PDXDC1: variants seen among roughly 807,000 people sequenced by gnomAD.
PDXDC1 encodes pyridoxal-dependent decarboxylase domain-containing protein 1.
A neutral mutation model predicts 100.1 loss-of-function variants in PDXDC1; 42 were observed. The observed-to-expected ratio is 0.42, with a 90% CI of 0.33 to 0.54. The LOEUF (loss-of-function observed/expected upper bound fraction) is 0.54, where lower values mean the gene tolerates loss of function less well. Among genes scored for constraint, PDXDC1 ranks in the 20% least tolerant of loss-of-function variants. The pLI is 0.10. For synonymous variants in PDXDC1, 260 were observed against 371.7 expected (o/e 0.70, Z 3.46); for missense variants, 636 against 979.2 (o/e 0.65, Z 4.68).
intron 16 of PDXDC1, among the ~76,000 whole-genome samples, chr16:15,069,624 C>T (rs939587093): frequency 2.0e-5 from 3 of 152,186 alleles, no homozygotes; most frequent in African/African-American, 7.2e-5. Context: ...TTTTCTAATC[C>T]TGCCACTAAC....
At position 15,031,733 on chromosome 16, in the gene PDXDC1, A is replaced by G; in HGVS notation, c.1400-2A>G. 6.2e-7 allele frequency: 1 copy of G among 1,606,396 alleles called. No individual in the cohort carries two copies. Among genetic ancestry groups the G allele is most frequent in the Non-Finnish European group, 8.5e-7 (1 of 1,173,960 alleles). ...TTTCTCTGACATTGTGAACATCTTCAGTTTTAGGAACTCGGGGAGAGGATG... is the reference window on the plus strand; with the variant it reads ...TTTCTCTGACATTGTGAACATCTTCGGTTTTAGGAACTCGGGGAGAGGATG... On this transcript the variant is annotated splice_acceptor_variant, in intron 16 of 22. Coordinates refer to ENST00000396410, the MANE Select transcript of PDXDC1 (RefSeq NM_015027.4). LOFTEE classifies it high-confidence loss of function.
chr16:15,141,190 C>G (rs1425772397), downstream of PDXDC1, among the ~76,000 whole-genome samples: 1 of 152,240 alleles, frequency 6.6e-6, no homozygotes, highest in Non-Finnish European at 1.5e-5. Context: ...GCTCCTCCCA[C>G]CGGAGCTCCG....
At chr16:15,097,110 T>C (rs955630184) in intron 16 of PDXDC1, among the ~76,000 whole-genome samples, 9 of 151,772 alleles carry the variant, frequency 5.9e-5, no homozygotes, top group Non-Finnish European at 1.2e-4. Context: ...AATAACACTT[T>C]TAAAAAACTT....
At chr16:15,052,660 C>T (rs1159367557) in intron 16 of PDXDC1, among the ~76,000 whole-genome samples, 2 of 152,068 alleles carry the variant, frequency 1.3e-5, no homozygotes, top group African/African-American at 4.8e-5. Flanking sequence ...ATGTTGAAGC[C>T]CCATCTCTAC....
intron 1 of PDXDC1, among the ~76,000 whole-genome samples, chr16:14,996,902 C>G (rs372304716): frequency 1.3e-5 from 2 of 152,296 alleles, no homozygotes; most frequent in African/African-American, 4.8e-5. Context: ...TGCCACATTG[C>G]TTGTTTGAAA....
chr16:15,145,300 GGCACAGCCAATGAT>G, the PDXDC1 span, among the ~76,000 whole-genome samples: 2 of 152,244 alleles, frequency 1.3e-5, no homozygotes, highest in African/African-American at 4.8e-5. Context: ...CTCGGCTGTG[GGCACAGCCAATGAT>G]GGCACGAGCC....
At chr16:15,081,039 C>G (rs2045682467) in intron 16 of PDXDC1, among the ~76,000 whole-genome samples, 1 of 152,100 alleles carries the variant, frequency 6.6e-6, no homozygotes, top group Non-Finnish European at 1.5e-5. Context: ...TTTTAGGGTC[C>G]AATCATGTTG....
intron 16 of PDXDC1, chr16:15,085,562 C>T: frequency 6.4e-7 from 1 of 1,574,184 alleles, no homozygotes. Context: ...AAGTGATCCT[C>T]CCGTCTTGGC....
chr16:14,981,209 T>C (rs1362165269), intron 1 of PDXDC1, among the ~76,000 whole-genome samples: 1 of 152,302 alleles, frequency 6.6e-6, no homozygotes, highest in African/African-American at 2.4e-5. Context: ...ACCTTTACTT[T>C]ACGAGTGTGC....
chr16:15,079,646 G>A (rs1412470493), intron 16 of PDXDC1, among the ~76,000 whole-genome samples: 1 of 151,310 alleles, frequency 6.6e-6, no homozygotes, highest in Admixed American at 6.6e-5. Context: ...AGGCTGGAGT[G>A]CAGTGGCACG....
intron 16 of PDXDC1, chr16:15,092,584 G>T (rs2046180308): frequency 6.2e-7 from 1 of 1,613,046 alleles, no homozygotes; most frequent in Non-Finnish European, 8.5e-7. Flanking sequence ...AATTGAAAAA[G>T]TCATTCTCTA....
downstream of PDXDC1, among the ~76,000 whole-genome samples, chr16:15,038,842 C>T (rs1404730015): frequency 6.6e-6 from 1 of 152,218 alleles, no homozygotes; most frequent in African/African-American, 2.4e-5. Flanking sequence ...AGCTACTGAA[C>T]ACGTCCAGTG....
chr16:15,062,767 T>G (rs1449906965), intron 16 of PDXDC1, among the ~76,000 whole-genome samples: 3 of 152,252 alleles, frequency 2.0e-5, no homozygotes. Context: ...AAGTGTCTGG[T>G]TTAAGCAATT....
downstream of PDXDC1, chr16:15,038,379 CCA>C (rs1430314399): frequency 8.1e-6 from 5 of 619,168 alleles, no homozygotes; most frequent in South Asian, 4.3e-5. Flanking sequence ...ACTGCTTTAC[CCA>C]CACACATTTC....
intron 16 of PDXDC1, among the ~76,000 whole-genome samples, chr16:15,069,766 T>C (rs1360336239): frequency 6.6e-6 from 1 of 152,210 alleles, no homozygotes; most frequent in Non-Finnish European, 1.5e-5. Context: ...TACAGGGCGC[T>C]GGCACAGCCC....
intron 16 of PDXDC1, chr16:15,065,183 C>G (rs753698481): frequency 6.5e-7 from 1 of 1,528,394 alleles, no homozygotes; most frequent in East Asian, 2.3e-5. Context: ...AAAAAAAAAT[C>G]CACCTCCTCC....
chr16:15,093,403 CTTG>C (rs1379152503), intron 16 of PDXDC1, among the ~76,000 whole-genome samples: 1 of 152,180 alleles, frequency 6.6e-6, no homozygotes, highest in East Asian at 1.9e-4. Context: ...CCCCCATTAC[CTTG>C]TTGTATAACT....
At chr16:14,982,283 T>A (rs1264920994) in intron 1 of PDXDC1, among the ~76,000 whole-genome samples, 7 of 152,296 alleles carry the variant, frequency 4.6e-5, no homozygotes, top group Non-Finnish European at 7.3e-5. Context: ...GAGACCATGA[T>A]GGTTAAAAAT....
downstream of PDXDC1, chr16:15,041,191 TA>T: frequency 1.9e-6 from 2 of 1,048,680 alleles, no homozygotes; most frequent in South Asian, 2.5e-5. Context: ...CTTTGTATAA[TA>T]AAGGCGAAGG....
Sources: allele counts gnomAD v4.1 joint callset (sites outside exome capture counted in the v4.1 genomes callset), GRCh38; gene constraint gnomAD v4.1.1; transcripts MANE v1.5; gene names NCBI Gene and HGNC (gene_info 2026-07-23, HGNC 2026-07-21).